The following CAMKMT variants were observed in gnomAD, a reference collection of about 807,000 sequenced individuals.
CAMKMT encodes the protein CaM KMT.
Under a neutral mutation model 48.0 loss-of-function variants are expected in CAMKMT, and 53 were observed. The observed-to-expected ratio is 1.10, with a 90% CI of 0.89 to 1.39. The LOEUF is 1.39. Ranked by LOEUF, CAMKMT falls within the 40% of genes most tolerant of loss-of-function variation. The pLI is 0.00. For missense variants in CAMKMT, 428 were observed against 402.7 expected (o/e 1.06, Z -0.54); for synonymous variants, 165 against 152.3 (o/e 1.08, Z -0.61).
intron 3 of CAMKMT, among the ~76,000 whole-genome samples, chr2:44,430,933 T>C (rs920337442): frequency 3.9e-5 from 6 of 152,224 alleles, no homozygotes; most frequent in African/African-American, 1.2e-4. Flanking sequence ...CTATCAACAC[T>C]GTAAACAAAG....
intron 6 of CAMKMT, among the ~76,000 whole-genome samples, chr2:44,709,149 A>G (rs1573131836): frequency 6.6e-6 from 1 of 152,168 alleles, no homozygotes; most frequent in African/African-American, 2.4e-5. Flanking sequence ...TTCTGTATTC[A>G]TTCTGCCGGC....
chr2:44,375,918 TG>T (rs1679643587), intron 2 of CAMKMT, among the ~76,000 whole-genome samples: 1 of 152,062 alleles, frequency 6.6e-6, no homozygotes, highest in South Asian at 2.1e-4. Flanking sequence ...CCTGAGTAGC[TG>T]GGATTACAGG....
At chr2:44,630,852 A>T (rs540237407) in intron 3 of CAMKMT, among the ~76,000 whole-genome samples, 1 of 151,830 alleles carries the variant, frequency 6.6e-6, no homozygotes, top group Non-Finnish European at 1.5e-5. Flanking sequence ...TTCCTCAGGG[A>T]TCTAGAACTA....
At chr2:44,683,830 A>AAAG (rs1445950617) in intron 3 of CAMKMT, among the ~76,000 whole-genome samples, 1 of 145,552 alleles carries the variant, frequency 6.9e-6, no homozygotes, top group Non-Finnish European at 1.5e-5. Context: ...CTCAAAAAAA[A>AAAG]AAAAAAAAAA....
At chr2:44,569,906 G>C (rs187108128) in intron 3 of CAMKMT, among the ~76,000 whole-genome samples, 4 of 151,938 alleles carry the variant, frequency 2.6e-5, no homozygotes, top group African/African-American at 9.7e-5. Context: ...ATAGTTGTTG[G>C]TTACCTTTTT....
At chr2:44,705,437 T>C in intron 4 of CAMKMT, 2 of 985,422 alleles carry the variant, frequency 2.0e-6, no homozygotes, top group Non-Finnish European at 2.4e-6. Flanking sequence ...CATTTGTTCA[T>C]CTCGCTGTGC....
chr2:44,680,416 A>G (rs1437799062), intron 3 of CAMKMT, among the ~76,000 whole-genome samples: 1 of 152,168 alleles, frequency 6.6e-6, no homozygotes, highest in Non-Finnish European at 1.5e-5. Flanking sequence ...TCATAAGGAC[A>G]CCAGCACTGG....
chr2:44,518,348 T>G (rs1418276741), intron 3 of CAMKMT, among the ~76,000 whole-genome samples: 1 of 152,196 alleles, frequency 6.6e-6, no homozygotes, highest in African/African-American at 2.4e-5. Context: ...TTGGTTTCTG[T>G]ACACCTTCAA....
At chr2:44,573,303 G>A (rs557422152) in intron 3 of CAMKMT, among the ~76,000 whole-genome samples, 56 of 152,016 alleles carry the variant, frequency 3.7e-4, no homozygotes, top group Non-Finnish European at 5.7e-4. Context: ...AGTTGTAGGA[G>A]TTCTTTATAA....
chr2:44,617,297 T>A (rs1248981595), intron 3 of CAMKMT, among the ~76,000 whole-genome samples: 1 of 152,216 alleles, frequency 6.6e-6, no homozygotes, highest in Middle Eastern at 3.2e-3. Flanking sequence ...AATCTCATTG[T>A]ATTTATGTAG....
intron 3 of CAMKMT, among the ~76,000 whole-genome samples, chr2:44,629,360 C>T (rs2103961742): frequency 6.6e-6 from 1 of 151,858 alleles, no homozygotes; most frequent in African/African-American, 2.4e-5. Flanking sequence ...TTAGTGTGCA[C>T]ATGGCATATC....
intron 2 of CAMKMT, 91 bp downstream of exon 2, chr2:44,372,979 T>C (rs1316010647): frequency 1.6e-6 from 2 of 1,243,414 alleles, no homozygotes; most frequent in African/African-American, 1.6e-5. Context: ...ATTTATTCTA[T>C]TGAGTTTACG....
chr2:44,581,664 A>G (rs17032391), intron 3 of CAMKMT, among the ~76,000 whole-genome samples: 4,288 of 152,358 alleles, frequency 0.028, 190 homozygotes, highest in African/African-American at 0.098. Flanking sequence ...TTTTATATAA[A>G]GAGCACTGTA....
intron 3 of CAMKMT, chr2:44,549,526 A>ATATATAATT (rs1276698506): frequency 1.4e-6 from 1 of 693,674 alleles, no homozygotes; most frequent in Non-Finnish European, 2.6e-6. Flanking sequence ...CCTAAAATGT[A>ATATATAATT]TATATAATTT....
intron 3 of CAMKMT, among the ~76,000 whole-genome samples, chr2:44,579,937 A>G (rs555986478): frequency 6.6e-6 from 1 of 152,292 alleles, no homozygotes; most frequent in Admixed American, 6.5e-5. Flanking sequence ...ATCAGTTCCC[A>G]GTTTTCTATA....
intron 3 of CAMKMT, among the ~76,000 whole-genome samples, chr2:44,392,352 A>G (rs1183306968): frequency 6.6e-6 from 1 of 152,122 alleles, no homozygotes; most frequent in Non-Finnish European, 1.5e-5. Context: ...TAACAGAAAA[A>G]TCTATATAGA....
At chr2:44,587,464 C>CTCTCCCTCTCCG (rs1669923347) in intron 3 of CAMKMT, among the ~76,000 whole-genome samples, 1 of 144,750 alleles carries the variant, frequency 6.9e-6, no homozygotes. Context: ...CCCCCTGTCC[C>CTCTCCCTCTCCG]TCTCCCTCTC....
intron 3 of CAMKMT, among the ~76,000 whole-genome samples, chr2:44,641,523 G>A (rs543738934): frequency 1.3e-5 from 2 of 150,076 alleles, no homozygotes; most frequent in African/African-American, 2.5e-5. Flanking sequence ...ATAGAGCCAA[G>A]TTCCATTGTT....
At chr2:44,621,225 C>T (rs576391753) in intron 3 of CAMKMT, among the ~76,000 whole-genome samples, 36 of 145,318 alleles carry the variant, frequency 2.5e-4, no homozygotes, top group African/African-American at 9.3e-4. Flanking sequence ...CGAGATCGCA[C>T]CACTGCACTC....
Sources: allele counts gnomAD v4.1 joint callset (sites outside exome capture counted in the v4.1 genomes callset), GRCh38; gene constraint gnomAD v4.1.1; transcripts MANE v1.5; gene names NCBI Gene and HGNC (gene_info 2026-07-23, HGNC 2026-07-21).